FDXR: variants seen among roughly 807,000 people sequenced by gnomAD.
The protein encoded by FDXR is ferredoxin reductase, also known as NADPH:adrenodoxin oxidoreductase, mitochondrial.
FDXR carries 38 observed loss-of-function variants against 58.3 expected under a neutral mutation model. The ratio of observed to expected loss-of-function variants is 0.65; its 90% CI spans 0.50 to 0.85. FDXR has a LOEUF of 0.85. FDXR is among the 40% of genes least tolerant of loss of function. FDXR has a pLI of 0.00. For missense variants in FDXR, 624 were observed against 671.0 expected (o/e 0.93, Z 0.77); for synonymous variants, 275 against 273.8 (o/e 1.00, Z -0.04).
chr17:74,866,022 A>C (rs2038167085), intron 5 of FDXR, 109 bp downstream of exon 5: 4 of 979,280 alleles, frequency 4.1e-6, no homozygotes, highest in Admixed American at 1.9e-5. Context: ...CTCAGTCAGC[A>C]CAATGTCACA....
At chr17:74,872,179 TC>T in intron 1 of FDXR, 46 bp from the exon 2 acceptor site, 1 of 1,585,584 alleles carries the variant, frequency 6.3e-7, no homozygotes, top group Non-Finnish European at 8.6e-7. Flanking sequence ...TTAACTTCTC[TC>T]CCCAGTCCCA....
At chr17:74,866,702 T>C in intron 3 of FDXR, 82 bp downstream of exon 3, 1 of 1,581,666 alleles carries the variant, frequency 6.3e-7, no homozygotes, top group Non-Finnish European at 8.7e-7. Flanking sequence ...TGAAGTCCTG[T>C]CATCCAGCCA....
Position 74,872,013 on chromosome 17 carries a change from T to C in FDXR, c.177+23A>G, listed in dbSNP as rs910382095. Reference sequence around the variant, plus strand: ...TAGGACTGGAGCAGCAGGTGAATGATGGACTATGAGTAAGTGGCTTACCTT... The same window carrying C: ...TAGGACTGGAGCAGCAGGTGAATGACGGACTATGAGTAAGTGGCTTACCTT... On this transcript the variant is annotated intron_variant, in intron 2 of 11. Transcript: ENST00000293195. 18 of 1,534,724 alleles carry C rather than the reference T, an allele frequency of 1.2e-5. No individual in the cohort carries two copies. In the African/African-American group the frequency reaches 2.4e-4, roughly 20 times the overall value.
intron 2 of FDXR, among the ~76,000 whole-genome samples, chr17:74,871,741 C>A (rs1201524240): frequency 6.6e-6 from 1 of 152,158 alleles, no homozygotes; most frequent in Non-Finnish European, 1.5e-5. Context: ...AGGACAAAGT[C>A]ATTTTGCAGG....
chr17:74,866,083 G>A (rs759100178), intron 5 of FDXR, 48 bp downstream of exon 5: 1 of 1,392,460 alleles, frequency 7.2e-7, no homozygotes. Flanking sequence ...GCATCCAAGG[G>A]CTGAGGGGCG....
At chr17:74,872,181 C>T (rs2038396534) in intron 1 of FDXR, 48 bp from the exon 2 acceptor site, 4 of 1,586,006 alleles carry the variant, frequency 2.5e-6, no homozygotes, top group African/African-American at 1.3e-5. Flanking sequence ...AACTTCTCTC[C>T]CCAGTCCCAA....
Position 74,862,813 on chromosome 17 carries a change from G to A in FDXR, c.*4C>T, listed in dbSNP as rs779966131. 3.7e-6 allele frequency: 6 copies of A among 1,607,676 alleles called. No homozygotes were observed. In the Admixed American group the frequency reaches 8.3e-5, roughly 22 times the overall value. On this transcript the variant is annotated 3_prime_UTR_variant, in exon 12 of 12. Transcript: ENST00000293195. ...CCTGCTGGGGGCCGGGGCTGGGGCT[G>A]GGCTCAGTGGCCCAGGAGGCGCAGC...
intron 5 of FDXR, 127 bp downstream of exon 5, chr17:74,866,004 C>A: frequency 1.1e-6 from 1 of 883,728 alleles, no homozygotes. Context: ...CCACAGCTGG[C>A]CTCCCGCCTC....
chr17:74,863,961 C>T lies in FDXR; in HGVS notation c.1109G>A (p.Ser370Asn). The change falls in exon 10 of 12, where the codon AGC becomes AAC. Residue 370 changes from serine to asparagine, a missense_variant. Coordinates refer to ENST00000293195, the MANE Select transcript of FDXR (RefSeq NM_024417.5). The stretch of plus-strand genomic sequence containing the variant: ...CCCAAGCTTGGAGTCAAAGGGCACG[C>T]TTGGGTCGACAGGGCGGCTCTTATA... ...IGYKSRPVDP[S>N]VPFDSKLGVI... is the part of the protein sequence containing the mutation. The T allele has an allele frequency of 1.2e-6, 2 of 1,614,116 alleles. No homozygotes were observed. Among genetic ancestry groups the T allele is most frequent in the Non-Finnish European group, 1.7e-6 (2 of 1,180,028 alleles).
Position 74,862,826 on chromosome 17 carries a change from C to A in FDXR, c.1467G>T (p.Leu489=), listed in dbSNP as rs1189448836. The A allele has an allele frequency of 1.2e-6, 2 of 1,610,378 alleles. No homozygotes were observed. The change falls in exon 12 of 12, where the codon CTG becomes CTT. Residue 489 remains leucine, a synonymous_variant. Transcript: ENST00000293195. ...LVDPQEMLRL[L]GH is the part of the protein sequence containing the mutation. ...GGGGCTGGGGCTGGGCTCAGTGGCCCAGGAGGCGCAGCATCTCCTGAGGAT... is the reference window on the plus strand; with the variant it reads ...GGGGCTGGGGCTGGGCTCAGTGGCCAAGGAGGCGCAGCATCTCCTGAGGAT...
chr17:74,872,656 TTTG>T (rs1316150487), intron 1 of FDXR: 15 of 1,119,168 alleles, frequency 1.3e-5, no homozygotes, highest in African/African-American at 4.7e-5. Flanking sequence ...CCTTTTCACC[TTTG>T]TTGACCTCCG....
In FDXR at chr17:74,872,975, G is replaced by C; in HGVS notation, c.-31C>G. On this transcript the variant is annotated 5_prime_UTR_variant, in exon 1 of 12. Transcript: ENST00000293195. ...GGAGCAGCAACCTGCAAGTGGATCTGTTCCTAGCTACTGCTCCGCAGGGCA... is the reference window on the plus strand; with the variant it reads ...GGAGCAGCAACCTGCAAGTGGATCTCTTCCTAGCTACTGCTCCGCAGGGCA... The C allele has an allele frequency of 6.5e-7, 1 of 1,540,802 alleles. No homozygotes were observed. The highest frequency in any genetic ancestry group is 8.8e-7 in the Non-Finnish European group (1 of 1,141,056).
Position 74,866,428 on chromosome 17 carries a change from G to A in FDXR, c.393+18C>T, listed in dbSNP as rs2038185639. 1 of 1,611,976 alleles carries A rather than the reference G, an allele frequency of 6.2e-7. No individual in the cohort carries two copies. Among genetic ancestry groups the A allele is most frequent in the Non-Finnish European group, 8.5e-7 (1 of 1,179,352 alleles). On this transcript the variant is annotated intron_variant, in intron 4 of 11. Coordinates refer to ENST00000293195, the MANE Select transcript of FDXR (RefSeq NM_024417.5). Reference sequence around the variant, plus strand: ...CTGCAGCCCCTGCCTCCCCAAGCCAGGGCCTAGCTGCACTCACCAGCACCA... The same window carrying A: ...CTGCAGCCCCTGCCTCCCCAAGCCAAGGCCTAGCTGCACTCACCAGCACCA...
chr17:74,864,217 G>T lies in FDXR; in HGVS notation c.933C>A (p.Pro311=). ...CATCTGGTGAGGGCAGCACCTGCTG[G>T]GGGCTTCGGAAAAAGCGGAGGCCCC... ...RAWGLRFFRS[P]QQVLPSPDGR... The change falls in exon 9 of 12, where the codon CCC becomes CCA. Residue 311 remains proline (P), a synonymous_variant. Coordinates refer to ENST00000293195, the MANE Select transcript of FDXR (RefSeq NM_024417.5). The T allele has an allele frequency of 6.2e-7, 1 of 1,609,300 alleles. No individual in the cohort carries two copies. Among genetic ancestry groups the T allele is most frequent in the Non-Finnish European group, 8.5e-7 (1 of 1,177,226 alleles).
intron 2 of FDXR, among the ~76,000 whole-genome samples, chr17:74,870,516 CAAAAA>C (rs1168237892): frequency 1.8e-5 from 1 of 54,982 alleles, no homozygotes; most frequent in African/African-American, 8.5e-5. Flanking sequence ...GACTCCATCT[CAAAAA>C]AAAAAAAAAA....
In FDXR at chr17:74,863,145, T is replaced by A; in HGVS notation, c.1276A>T (p.Lys426Ter). The A allele has an allele frequency of 6.2e-7, 1 of 1,613,806 alleles. No homozygotes were observed. Among genetic ancestry groups the A allele is most frequent in the Non-Finnish European group, 8.5e-7 (1 of 1,179,992 alleles). The change falls in exon 11 of 12, where the codon AAG (lysine) becomes TAG (stop). Residue 426 changes from lysine (K) to a stop codon, truncating the protein, a stop_gained. Transcript: ENST00000293195. LOFTEE classifies it high-confidence loss of function. ...LTGQMLLQDL[K>*]AGLLPSGPRP... ...GGGCCAGAGGGGAGCAACCCAGCCT[T>A]CAGGTCCTGCAGCAGCATCTGGCCG...
intron 2 of FDXR, among the ~76,000 whole-genome samples, chr17:74,867,596 AG>A (rs920580939): frequency 1.1e-4 from 17 of 152,254 alleles, no homozygotes; most frequent in African/African-American, 3.6e-4. Context: ...GCAGCAGGAC[AG>A]GGAGGGGGCA....
Position 74,864,165 on chromosome 17 carries a change from C to T in FDXR, c.985G>A (p.Ala329Thr). ...AGACTCACCTCCAGTCTAGTGACTG[C>T]TAGGCGGACACCTGCTGCCCGCCGC... ...DGRRAAGVRLAVTRLEGVDEA... is the reference protein window; with the variant it reads ...DGRRAAGVRLTVTRLEGVDEA... The change falls in exon 9 of 12, where the codon GCA becomes ACA. Residue 329 changes from alanine to threonine, a missense_variant. Physicochemically the swap from Ala to Thr is moderately conservative, Grantham distance 58 (BLOSUM62 0). Coordinates refer to ENST00000293195, the MANE Select transcript of FDXR (RefSeq NM_024417.5). 3 of 1,612,774 alleles carry T rather than the reference C, an allele frequency of 1.9e-6. No individual in the cohort carries two copies. The South Asian group carries it at 3.3e-5, about 18-fold the overall frequency.
Position 74,872,954 on chromosome 17 carries a change from C to G in FDXR, c.-10G>C. On this transcript the variant is annotated 5_prime_UTR_variant, in exon 1 of 12. Transcript: ENST00000293195. ...AGCAGCGCGAAGCCATGGCTGGGAG[C>G]AGCAACCTGCAAGTGGATCTGTTCC... is the stretch of plus-strand genomic sequence containing the variant. The G allele has an allele frequency of 1.3e-6, 2 of 1,550,574 alleles. No individual in the cohort carries two copies. Among genetic ancestry groups the G allele is most frequent in the South Asian group, 2.4e-5 (2 of 84,188 alleles).
Sources: allele counts gnomAD v4.1 joint callset (sites outside exome capture counted in the v4.1 genomes callset), GRCh38; gene constraint gnomAD v4.1.1; transcripts MANE v1.5; gene names NCBI Gene and HGNC (gene_info 2026-07-23, HGNC 2026-07-21).